ZFHX3: variants seen among roughly 807,000 people sequenced by gnomAD.
The protein encoded by ZFHX3 is zinc finger homeobox protein 3.
Under a neutral mutation model 279.1 loss-of-function variants are expected in ZFHX3, and 42 were observed. The observed-to-expected ratio is 0.15, with a 90% CI of 0.12 to 0.19. The LOEUF is 0.19. ZFHX3 is among the 10% of genes least tolerant of loss of function. The pLI, the probability that ZFHX3 is intolerant of heterozygous loss-of-function variation, is 1.00. For missense variants in ZFHX3, 4,981 were observed against 4,754.0 expected (o/e 1.05, Z -1.40); for synonymous variants, 2,293 against 1,957.8 (o/e 1.17, Z -4.52).
At chr16:73,679,279 C>A (rs1334738935) in intron 2 of ZFHX3, among the ~76,000 whole-genome samples, 1 of 151,976 alleles carries the variant, frequency 6.6e-6, no homozygotes, top group African/African-American at 2.4e-5. Context: ...TTAACAATGT[C>A]GCCATTTTCA....
At chr16:72,874,705 G>A (rs747085887) in intron 4 of ZFHX3, among the ~76,000 whole-genome samples, 1 of 149,990 alleles carries the variant, frequency 6.7e-6, no homozygotes, top group Non-Finnish European at 1.5e-5. Context: ...TGTTGCCCAG[G>A]GTAGACTCAA....
rs191901088 is a variant in ZFHX3, at chr16:73,093,087, C to T, written c.-533+148G>A. 3.4e-4 allele frequency: 178 copies of T among 520,090 alleles called. 1 individual carries two copies. The East Asian group carries it at 7.7e-3, about 22-fold the overall frequency. 32.2% of individuals were successfully genotyped at this position (520,090 alleles called of 1,614,324 possible). On this transcript the variant is annotated intron_variant, in intron 8 of 17. Coordinates refer to the ZFHX3 transcript ENST00000641206. ...GCTATTTGACCCCTCCCAGAGATCC[C>T]TTCATTCTTCAGCAATGGATCAAAG...
chr16:72,907,765 C>T (rs948867870), intron 3 of ZFHX3, among the ~76,000 whole-genome samples: 1 of 151,650 alleles, frequency 6.6e-6, no homozygotes, highest in East Asian at 1.9e-4. Flanking sequence ...CTCACTGCTA[C>T]CTCTGAGTCC....
chr16:73,243,816 C>T (rs537317494), intron 5 of ZFHX3, among the ~76,000 whole-genome samples: 1 of 151,958 alleles, frequency 6.6e-6, no homozygotes, highest in Admixed American at 6.6e-5. Context: ...GATCACCCAC[C>T]CAGAATCTAA....
intron 5 of ZFHX3, among the ~76,000 whole-genome samples, chr16:73,218,044 T>A (rs917913001): frequency 1.3e-5 from 2 of 152,198 alleles, no homozygotes; most frequent in Non-Finnish European, 2.9e-5. Context: ...AAAAGCTTTT[T>A]GTCACTCCAT....
chr16:73,344,711 A>G (rs1419590912), intron 3 of ZFHX3, among the ~76,000 whole-genome samples: 2 of 152,284 alleles, frequency 1.3e-5, no homozygotes, highest in East Asian at 3.9e-4. Flanking sequence ...AGAGAGAGAG[A>G]GACAGACAGA....
At chr16:73,497,388 G>A (rs894208928) in intron 2 of ZFHX3, among the ~76,000 whole-genome samples, 3 of 152,236 alleles carry the variant, frequency 2.0e-5, no homozygotes, top group Non-Finnish European at 2.9e-5. Context: ...ACTACTTGAG[G>A]TCAGGTGCAG....
At chr16:72,867,809 T>C (rs1236581759) in intron 4 of ZFHX3, among the ~76,000 whole-genome samples, 1 of 152,144 alleles carries the variant, frequency 6.6e-6, no homozygotes, top group East Asian at 1.9e-4. Context: ...CTTCTAATGA[T>C]GCCTCTGGTC....
intron 5 of ZFHX3, among the ~76,000 whole-genome samples, chr16:72,812,990 T>C (rs1179924882): frequency 6.6e-6 from 1 of 152,184 alleles, no homozygotes; most frequent in Admixed American, 6.5e-5. Context: ...CTCCTTCCAG[T>C]AGAGGCAAAC....
chr16:73,754,355 G>A (rs183553554), intron 1 of ZFHX3, among the ~76,000 whole-genome samples: 108 of 152,160 alleles, frequency 7.1e-4, no homozygotes, highest in African/African-American at 2.3e-3. Context: ...ACAGGCTAGA[G>A]AATTCTGTAC....
At position 72,811,716 on chromosome 16, in the gene ZFHX3, G is replaced by A. The variant is rs1756422898; in HGVS notation, c.3725C>T (p.Ala1242Val). ...GGGTTGCACCGAGTGCTGCGTCATGGCATGCACCCGGAGCCGGTTGACATC... is the reference window on the plus strand; with the variant it reads ...GGGTTGCACCGAGTGCTGCGTCATGACATGCACCCGGAGCCGGTTGACATC... ...NADVNRLRVH[A>V]MTQHSVQPML... Residue 1242 changes from alanine to valine, a missense_variant, in exon 7 of 10, where the codon GCC becomes GTC. By Grantham distance (64) the Ala-to-Val change is moderately conservative. Around this residue, in one of 7 missense-constraint regions of ZFHX3, gnomAD observed 1,751 missense variants for 1,770.0 expected, o/e 0.99. Transcript: ENST00000268489. The A allele has an allele frequency of 1.2e-6, 2 of 1,614,076 alleles. No homozygotes were observed. The highest frequency in any genetic ancestry group is 3.3e-5 in the Admixed American group (2 of 60,024).
chr16:72,788,733 T>C lies in ZFHX3; in HGVS notation c.9543A>G (p.Pro3181=). 1 of 1,600,308 alleles carries C rather than the reference T, an allele frequency of 6.2e-7. No individual in the cohort carries two copies. Among genetic ancestry groups the C allele is most frequent in the South Asian group, 1.1e-5 (1 of 89,056 alleles). ...NKPSSASLSS[P]TPAQATMAMG... is the part of the protein sequence containing the mutation. ...TCGCCATCGTGGCTTGTGCTGGGGTTGGGGAGCTCAGCGACGCTGAGGACG... is the reference window on the plus strand; with the variant it reads ...TCGCCATCGTGGCTTGTGCTGGGGTCGGGGAGCTCAGCGACGCTGAGGACG... Residue 3181 remains proline (P), a synonymous_variant, in exon 10 of 10, where the codon CCA becomes CCG. Coordinates refer to ENST00000268489, the MANE Select transcript of ZFHX3 (RefSeq NM_006885.4).
intron 2 of ZFHX3, among the ~76,000 whole-genome samples, chr16:73,669,962 T>C (rs558775470): frequency 3.3e-5 from 5 of 152,310 alleles, no homozygotes; most frequent in Admixed American, 6.5e-5. Context: ...AAAAATATGA[T>C]TGAGGCCAAC....
intron 3 of ZFHX3, among the ~76,000 whole-genome samples, chr16:72,916,253 G>T (rs2039440091): frequency 6.6e-6 from 1 of 152,120 alleles, no homozygotes; most frequent in East Asian, 1.9e-4. Flanking sequence ...GGAGATCAGG[G>T]ACTATTAAAG....
At chr16:72,841,338 C>G (rs563248651) in intron 4 of ZFHX3, among the ~76,000 whole-genome samples, 2 of 152,348 alleles carry the variant, frequency 1.3e-5, no homozygotes, top group South Asian at 4.1e-4. Context: ...AAGCAGGAAG[C>G]TGAGGTACAG....
At chr16:73,447,777 C>T (rs1187939868) in intron 3 of ZFHX3, among the ~76,000 whole-genome samples, 1 of 152,112 alleles carries the variant, frequency 6.6e-6, no homozygotes, top group Non-Finnish European at 1.5e-5. Context: ...GAGGTCTACA[C>T]GGAGCTCTAC....
chr16:73,612,708 C>T (rs1036545791), intron 2 of ZFHX3, among the ~76,000 whole-genome samples: 27 of 151,954 alleles, frequency 1.8e-4, no homozygotes, highest in African/African-American at 6.5e-4. Context: ...GATCAGAAAA[C>T]AAGGATTACT....
At chr16:73,879,129 G>A (rs2030055987) in intron 1 of ZFHX3, among the ~76,000 whole-genome samples, 1 of 151,570 alleles carries the variant, frequency 6.6e-6, no homozygotes. Context: ...ATCACCAGCA[G>A]CGAGCGACCT....
intron 1 of ZFHX3, among the ~76,000 whole-genome samples, chr16:73,027,947 C>G (rs1168310927): frequency 6.6e-6 from 1 of 152,238 alleles, no homozygotes; most frequent in African/African-American, 2.4e-5. Context: ...GAGGCTGCCA[C>G]GGGGACCATA....
Sources: allele counts gnomAD v4.1 joint callset (sites outside exome capture counted in the v4.1 genomes callset), GRCh38; gene constraint gnomAD v4.1.1; regional missense constraint gnomAD v4.1.1; transcripts MANE v1.5; gene names NCBI Gene and HGNC (gene_info 2026-07-23, HGNC 2026-07-21).